Variants in TNKS observed in about 807,000 individuals in gnomAD.
The protein encoded by TNKS is poly [ADP-ribose] polymerase tankyrase-1.
TNKS carries 72 observed loss-of-function variants against 135.8 expected under a neutral mutation model. That is an observed-to-expected ratio of 0.53 (90% confidence interval 0.44 to 0.64). TNKS has a LOEUF of 0.64. Among genes scored for constraint, TNKS ranks in the 30% least tolerant of loss-of-function variants. The pLI is 0.00. For synonymous variants in TNKS, 849 were observed against 649.3 expected, an observed-to-expected ratio of 1.31 and a Z score of -4.68; for missense variants, 1,769 against 1,674.0, an observed-to-expected ratio of 1.06 and a Z score of -0.99.
intron 20 of TNKS, among the ~76,000 whole-genome samples, chr8:9,756,869 C>T (rs937787738): frequency 2.6e-5 from 4 of 152,208 alleles, no homozygotes; most frequent in African/African-American, 7.2e-5. Context: ...ATCTGCCCTT[C>T]ATAATGCCAA....
intron 2 of TNKS, among the ~76,000 whole-genome samples, chr8:9,589,384 A>C (rs1207093243): frequency 6.6e-6 from 1 of 152,240 alleles, no homozygotes; most frequent in East Asian, 1.9e-4. Flanking sequence ...AAATAACTGC[A>C]TGTAAAGTTG....
At position 9,567,427 on chromosome 8, in the gene TNKS, T is replaced by A. The variant is rs539598077; in HGVS notation, c.673+10815T>A. Among the ~76,000 whole-genome samples, 49 of 152,322 alleles carry A rather than the reference T, an allele frequency of 3.2e-4. 2 individuals carry two copies. The highest frequency in any genetic ancestry group is 5.3e-4 in the African/African-American group (22 of 41,578). On this transcript the variant is annotated intron_variant, in intron 1 of 26. Transcript: ENST00000310430. Reference sequence around the variant, plus strand: ...CAACTGCTTTCTTATTTATTTATTTTTTTTTTGAGACGGAGTCTCGCTCTG... The same window carrying A: ...CAACTGCTTTCTTATTTATTTATTTATTTTTTGAGACGGAGTCTCGCTCTG...
intron 3 of TNKS, among the ~76,000 whole-genome samples, chr8:9,636,803 A>T (rs1176305532): frequency 6.6e-6 from 1 of 152,190 alleles, no homozygotes; most frequent in East Asian, 1.9e-4. Context: ...ATGAGTACTA[A>T]CTAGTTCCCA....
At chr8:9,773,323 C>T (rs1348577197) in intron 26 of TNKS, among the ~76,000 whole-genome samples, 1 of 151,784 alleles carries the variant, frequency 6.6e-6, no homozygotes, top group African/African-American at 2.4e-5. Context: ...TATTTTTTAA[C>T]ATTTACATAA....
chr8:9,766,768 G>A (rs571374911), intron 25 of TNKS, among the ~76,000 whole-genome samples: 1 of 152,280 alleles, frequency 6.6e-6, no homozygotes, highest in African/African-American at 2.4e-5. Context: ...ACAGGCATGA[G>A]CCACCGTGCC....
chr8:9,740,823 G>GTTTTTT lies in TNKS; in HGVS notation c.2643+5339_2643+5340insTTTTTT, dbSNP rs565849400. The stretch of plus-strand genomic sequence containing the variant: ...ACATATACATTTATATGTAATTCTT[G>GTTTTTT]TTGTTTTTTTTTTTTTTTTTTTTGA... On this transcript the variant is annotated intron_variant, in intron 17 of 26. Transcript: ENST00000310430. 2.6e-4 allele frequency: 16 copies of GTTTTTT among 60,492 alleles called. 1 individual carries two copies. The highest frequency in any genetic ancestry group is 2.1e-3 in the East Asian group (4 of 1,908). 3.7% of individuals were successfully genotyped at this position (60,492 alleles called of 1,614,324 possible). A position where few individuals can be genotyped will look rare whatever the true frequency, so the allele number is the denominator to read the frequency against.
chr8:9,652,709 A>C (rs185511227), intron 3 of TNKS, among the ~76,000 whole-genome samples: 20 of 152,316 alleles, frequency 1.3e-4, no homozygotes, highest in Non-Finnish European at 4.4e-5. Flanking sequence ...TAGTAAATCA[A>C]ATACTTTAAG....
intron 3 of TNKS, among the ~76,000 whole-genome samples, chr8:9,654,321 GTTTATTC>G (rs769132586): frequency 2.6e-5 from 4 of 152,080 alleles, no homozygotes; most frequent in South Asian, 4.1e-4. Context: ...ATTTTCTATA[GTTTATTC>G]TTAACCTACT....
At chr8:9,634,409 T>C (rs1179370820) in intron 3 of TNKS, among the ~76,000 whole-genome samples, 2 of 152,188 alleles carry the variant, frequency 1.3e-5, no homozygotes, top group African/African-American at 2.4e-5. Context: ...AACGTAATTC[T>C]TTGACTTCAT....
rs1040700797 is a variant in TNKS, at chr8:9,679,444, T to C, written c.995-507T>C. 5.9e-5 allele frequency among the ~76,000 whole-genome samples: 9 copies of C among 152,202 alleles called. No individual in the cohort carries two copies. In the East Asian group the frequency reaches 1.7e-3, roughly 29 times the overall value. ...TCGTGGTTCTGATATTTGCATTTTC[T>C]ACTGCTATAAAGCTCAACAATAGTA... On this transcript the variant is annotated intron_variant, in intron 3 of 26. Coordinates refer to ENST00000310430, the MANE Select transcript of TNKS (RefSeq NM_003747.3).
intron 20 of TNKS, among the ~76,000 whole-genome samples, chr8:9,753,357 C>G (rs1038051082): frequency 1.3e-5 from 2 of 152,088 alleles, no homozygotes; most frequent in Non-Finnish European, 2.9e-5. Flanking sequence ...AAAAATTGCC[C>G]CTTTATGAAG....
chr8:9,590,181 C>T (rs150277606), intron 2 of TNKS, among the ~76,000 whole-genome samples: 51 of 152,218 alleles, frequency 3.4e-4, no homozygotes, highest in African/African-American at 1.2e-3. Flanking sequence ...CTTCAGGGCC[C>T]TCCTTGGTCT....
At chr8:9,770,325 G>A (rs146443395) in intron 26 of TNKS, 63 bp downstream of exon 26, 174 of 1,501,930 alleles carry the variant, frequency 1.2e-4, no homozygotes, top group Admixed American at 7.2e-4. Flanking sequence ...CACAGAGACC[G>A]TGTAAGACTT....
intron 17 of TNKS, among the ~76,000 whole-genome samples, chr8:9,747,428 G>T (rs1324277863): frequency 6.6e-6 from 1 of 151,970 alleles, no homozygotes; most frequent in Admixed American, 6.6e-5. Flanking sequence ...CTCATGCCCA[G>T]GTTATTAGCA....
chr8:9,564,928 A>G (rs781560972), intron 1 of TNKS, among the ~76,000 whole-genome samples: 1 of 152,186 alleles, frequency 6.6e-6, no homozygotes, highest in Non-Finnish European at 1.5e-5. Flanking sequence ...AAAGCATTAT[A>G]TCTTCAAGAA....
intron 3 of TNKS, among the ~76,000 whole-genome samples, chr8:9,666,700 G>A (rs981929922): frequency 1.3e-5 from 2 of 150,832 alleles, no homozygotes; most frequent in East Asian, 3.9e-4. Context: ...CAGCCTGGGC[G>A]ACAGAGTGAG....
chr8:9,661,767 C>T (rs938868082), intron 3 of TNKS, among the ~76,000 whole-genome samples: 3 of 152,072 alleles, frequency 2.0e-5, no homozygotes, highest in South Asian at 2.1e-4. Context: ...TTCTGCACAG[C>T]AAAAGAAACT....
At chr8:9,653,475 C>T (rs1354504617) in intron 3 of TNKS, among the ~76,000 whole-genome samples, 1 of 151,970 alleles carries the variant, frequency 6.6e-6, no homozygotes, top group African/African-American at 2.4e-5. Context: ...ATTTGATCAG[C>T]TTCTGGTGAG....
intron 2 of TNKS, among the ~76,000 whole-genome samples, chr8:9,589,244 C>T (rs553975040): frequency 1.3e-5 from 2 of 152,040 alleles, no homozygotes; most frequent in East Asian, 1.9e-4. Flanking sequence ...ACATTCTGGG[C>T]CAAGGGTAGC....
Sources: gnomAD v4.1 joint callset for allele counts (sites outside exome capture counted in the v4.1 genomes callset) on GRCh38, gnomAD v4.1.1 for gene constraint, MANE v1.5 for transcripts, NCBI Gene and HGNC (gene_info 2026-07-23, HGNC 2026-07-21) for gene names.